SORD: variants seen among roughly 807,000 people sequenced by gnomAD.
SORD encodes (R,R)-butanediol dehydrogenase.
SORD carries 18 observed loss-of-function variants against 35.6 expected under a neutral mutation model. That is an observed-to-expected ratio of 0.51 (90% confidence interval 0.35 to 0.75). The LOEUF is 0.75. Among genes scored for constraint, SORD ranks in the 30% least tolerant of loss-of-function variants. The pLI, the probability that SORD is intolerant of heterozygous loss-of-function variation, is 0.01. For synonymous variants in SORD, 106 were observed against 152.9 expected (o/e 0.69, Z 2.26); for missense variants, 250 against 390.2 (o/e 0.64, Z 3.03).
At chr15:45,044,256 T>C (rs1352933791) in intron 3 of SORD, among the ~76,000 whole-genome samples, 1 of 152,208 alleles carries the variant, frequency 6.6e-6, no homozygotes, top group Non-Finnish European at 1.5e-5. Flanking sequence ...TGATTGGTTC[T>C]CACCTGTGGG....
intron 1 of SORD, among the ~76,000 whole-genome samples, chr15:45,027,463 CTAGCACAGCATT>C (rs1225184367): frequency 1.3e-5 from 2 of 152,232 alleles, no homozygotes; most frequent in East Asian, 3.8e-4. Context: ...TGTGAAAGGC[CTAGCACAGCATT>C]TAGCACACTG....
intron 3 of SORD, chr15:45,058,648 C>T (rs1289403212): frequency 1.3e-5 from 2 of 152,026 alleles, no homozygotes; most frequent in African/African-American, 4.8e-5. Context: ...TGTCTCATTA[C>T]CAAGAAAATT....
intron 6 of SORD, 133 bp downstream of exon 6, chr15:45,068,379 A>T (rs1893442024): frequency 1.4e-6 from 1 of 716,770 alleles, no homozygotes; most frequent in African/African-American, 1.7e-5. Flanking sequence ...TTGTGGAAAT[A>T]TAGAAGAGTG....
chr15:45,066,510 C>A (rs558095034), intron 5 of SORD, among the ~76,000 whole-genome samples: 1 of 152,122 alleles, frequency 6.6e-6, no homozygotes. Flanking sequence ...ACCCTGCTCC[C>A]GGCCAGTGGG....
chr15:45,056,096 C>G (rs1180213254), intron 3 of SORD, among the ~76,000 whole-genome samples: 1 of 147,546 alleles, frequency 6.8e-6, no homozygotes, highest in Non-Finnish European at 1.5e-5. Context: ...GGGATGCCCT[C>G]TCTCACCACT....
intron 1 of SORD, among the ~76,000 whole-genome samples, chr15:45,037,070 A>G (rs1371851689): frequency 1.3e-5 from 2 of 152,240 alleles, no homozygotes; most frequent in Non-Finnish European, 2.9e-5. Flanking sequence ...TTTTGTGCTC[A>G]GGTAGCATGT....
At chr15:45,049,457 A>T (rs977484853) in intron 3 of SORD, among the ~76,000 whole-genome samples, 10 of 152,118 alleles carry the variant, frequency 6.6e-5, no homozygotes, top group Admixed American at 1.3e-4. Flanking sequence ...GGCGAGAAAA[A>T]ACAATGTGGG....
chr15:45,035,405 C>A (rs952808382), intron 1 of SORD, among the ~76,000 whole-genome samples: 1 of 152,038 alleles, frequency 6.6e-6, no homozygotes, highest in East Asian at 1.9e-4. Context: ...CCAATCAGCA[C>A]CCTGTGTCGA....
At chr15:45,059,284 T>C (rs1003625791) in intron 3 of SORD, among the ~76,000 whole-genome samples, 1 of 151,958 alleles carries the variant, frequency 6.6e-6, no homozygotes, top group African/African-American at 2.4e-5. Context: ...TGAGCTGTGA[T>C]TGCATCACTG....
chr15:45,042,543 A>G (rs1432429963), intron 2 of SORD: 2 of 151,340 alleles, frequency 1.3e-5, no homozygotes. Flanking sequence ...AAAGAAAACA[A>G]TAGGCATGAA....
intron 1 of SORD, among the ~76,000 whole-genome samples, chr15:45,038,056 A>G (rs1169481761): frequency 6.6e-6 from 1 of 151,950 alleles, no homozygotes; most frequent in South Asian, 2.1e-4. Flanking sequence ...ACTTTGAGGA[A>G]GGTTTTGGTG....
chr15:45,065,150 T>C, intron 4 of SORD, 121 bp from the exon 5 acceptor site: 1 of 904,520 alleles, frequency 1.1e-6, no homozygotes, highest in Non-Finnish European at 1.7e-6. Flanking sequence ...GCTCTGCACA[T>C]AAATAAATGC....
At chr15:45,048,394 T>C (rs1387401198) in intron 3 of SORD, among the ~76,000 whole-genome samples, 1 of 152,144 alleles carries the variant, frequency 6.6e-6, no homozygotes, top group African/African-American at 2.4e-5. Flanking sequence ...CCATCCTTGA[T>C]GAGGAGGCAA....
chr15:45,029,567 C>T (rs145646328), intron 1 of SORD, among the ~76,000 whole-genome samples: 5 of 152,398 alleles, frequency 3.3e-5, no homozygotes, highest in Admixed American at 3.3e-4. Flanking sequence ...TTTATTTCCA[C>T]CGTCTGCAGA....
chr15:45,058,359 C>T (rs949649791), intron 3 of SORD, among the ~76,000 whole-genome samples: 3 of 152,054 alleles, frequency 2.0e-5, no homozygotes, highest in African/African-American at 7.2e-5. Context: ...CACCCAAGGG[C>T]GATGGGGGAT....
At chr15:45,033,264 C>T (rs1892813551) in intron 1 of SORD, among the ~76,000 whole-genome samples, 1 of 151,084 alleles carries the variant, frequency 6.6e-6, no homozygotes, top group Non-Finnish European at 1.5e-5. Context: ...TCCAAGGATT[C>T]TCAAGTCCCT....
At chr15:45,041,376 C>T (rs986087115) in intron 2 of SORD, among the ~76,000 whole-genome samples, 11 of 152,042 alleles carry the variant, frequency 7.2e-5, no homozygotes, top group Non-Finnish European at 1.3e-4. Context: ...CACCCTCCCC[C>T]TCTCACACCT....
At chr15:45,062,391 C>G (rs1237946463) in intron 4 of SORD, among the ~76,000 whole-genome samples, 1 of 152,224 alleles carries the variant, frequency 6.6e-6, no homozygotes, top group Non-Finnish European at 1.5e-5. Flanking sequence ...TGGCCCCAGC[C>G]GTGGAGCTCT....
At chr15:45,054,429 T>C (rs914674525) in intron 3 of SORD, among the ~76,000 whole-genome samples, 3 of 152,248 alleles carry the variant, frequency 2.0e-5, no homozygotes, top group Non-Finnish European at 4.4e-5. Flanking sequence ...GTTTTTTGGC[T>C]GCATAAATGT....
Sources: allele counts gnomAD v4.1 joint callset (sites outside exome capture counted in the v4.1 genomes callset), GRCh38; gene constraint gnomAD v4.1.1; transcripts MANE v1.5; gene names NCBI Gene and HGNC (gene_info 2026-07-23, HGNC 2026-07-21).